TMCO5A: variants seen among roughly 807,000 people sequenced by gnomAD.
TMCO5A encodes transmembrane and coiled-coil domains 5A, also known as transmembrane and coiled-coil domain-containing protein 5A.
TMCO5A carries 34 observed loss-of-function variants against 42.3 expected under a neutral mutation model. The observed-to-expected ratio is 0.80, with a 90% CI of 0.61 to 1.07. The LOEUF is 1.07. Ranked by LOEUF, TMCO5A falls within the 50% of genes least tolerant of loss-of-function variation. The probability of loss-of-function intolerance (pLI) is 0.00; values close to 1 mark genes in which losing one functional copy is unlikely to be tolerated. For missense variants in TMCO5A, 357 were observed against 327.9 expected (o/e 1.09, Z -0.69); for synonymous variants, 131 against 115.6 (o/e 1.13, Z -0.86).
chr15:38,026,822 G>A, the TMCO5A span, among the ~76,000 whole-genome samples: 1 of 152,242 alleles, frequency 6.6e-6, no homozygotes, highest in African/African-American at 2.4e-5. Flanking sequence ...GCTGAAAGGG[G>A]CCAACATAGA....
At chr15:37,973,286 G>A in the TMCO5A span, among the ~76,000 whole-genome samples, 1 of 150,690 alleles carries the variant, frequency 6.6e-6, no homozygotes, top group Admixed American at 6.6e-5. Context: ...GCTCTTTTTT[G>A]GTTCCATATG....
chr15:37,983,570 A>T, the TMCO5A span, among the ~76,000 whole-genome samples: 2 of 152,042 alleles, frequency 1.3e-5, no homozygotes, highest in African/African-American at 4.8e-5. Context: ...CACCAGAGGG[A>T]CTCTCAAATC....
chr15:38,028,182 A>C, the TMCO5A span, among the ~76,000 whole-genome samples: 1 of 150,824 alleles, frequency 6.6e-6, no homozygotes, highest in Admixed American at 6.6e-5. Context: ...TAAATAGATG[A>C]AGTCACTTAG....
At chr15:37,960,041 A>C (rs1023560410) in intron 11 of TMCO5A, among the ~76,000 whole-genome samples, 1 of 152,036 alleles carries the variant, frequency 6.6e-6, no homozygotes, top group Non-Finnish European at 1.5e-5. Flanking sequence ...ATTGGGGTAC[A>C]GTTGGTATTT....
At chr15:38,017,316 C>T in the TMCO5A span, among the ~76,000 whole-genome samples, 13 of 152,104 alleles carry the variant, frequency 8.5e-5, no homozygotes, top group South Asian at 2.1e-4. Context: ...GGTTTCCTAA[C>T]GGAGTTCAGA....
intron 10 of TMCO5A, among the ~76,000 whole-genome samples, chr15:37,947,433 T>G (rs1259961225): frequency 6.6e-6 from 1 of 152,028 alleles, no homozygotes; most frequent in East Asian, 1.9e-4. Flanking sequence ...TGTCTTTCTG[T>G]GCCTTAGTTT....
the TMCO5A span, among the ~76,000 whole-genome samples, chr15:38,026,171 T>A: frequency 6.6e-6 from 1 of 152,106 alleles, no homozygotes. Context: ...TGGAACAGTT[T>A]TGAGGGCTTA....
At chr15:37,942,116 C>A in intron 8 of TMCO5A, 75 bp from the exon 9 acceptor site, 2 of 1,344,600 alleles carry the variant, frequency 1.5e-6, no homozygotes, top group Admixed American at 1.9e-5. Flanking sequence ...CATGTAATAA[C>A]AAGTGCTTAT....
At chr15:37,994,030 C>T in the TMCO5A span, among the ~76,000 whole-genome samples, 5 of 152,250 alleles carry the variant, frequency 3.3e-5, 1 homozygote, top group South Asian at 8.3e-4. Context: ...TCCCAGAATC[C>T]TCGACTTAAT....
At chr15:37,952,071 G>T (rs568688720), downstream of TMCO5A, among the ~76,000 whole-genome samples, 1 of 152,160 alleles carries the variant, frequency 6.6e-6, no homozygotes, top group Non-Finnish European at 1.5e-5. Flanking sequence ...ACCAGCCCTA[G>T]CTAGAGGAGA....
downstream of TMCO5A, among the ~76,000 whole-genome samples, chr15:37,952,394 T>G (rs959325627): frequency 1.2e-4 from 18 of 152,048 alleles, no homozygotes; most frequent in Admixed American, 1.2e-3. Context: ...CACAGGAAGA[T>G]AGGGCACCAG....
At chr15:38,015,870 A>G in the TMCO5A span, among the ~76,000 whole-genome samples, 2 of 152,248 alleles carry the variant, frequency 1.3e-5, no homozygotes, top group Non-Finnish European at 2.9e-5. Flanking sequence ...AACTATGAAG[A>G]AAGTAAAAGC....
At chr15:37,943,517 A>C (rs1215976004) in intron 10 of TMCO5A, 119 bp downstream of exon 10, 2 of 887,202 alleles carry the variant, frequency 2.3e-6, no homozygotes, top group Non-Finnish European at 3.5e-6. Context: ...TTCCAAGAAC[A>C]GTACCAGCTA....
At chr15:38,035,570 A>AT in the TMCO5A span, among the ~76,000 whole-genome samples, 2 of 152,222 alleles carry the variant, frequency 1.3e-5, no homozygotes, top group Non-Finnish European at 2.9e-5. Context: ...AAAAGCCAAC[A>AT]TAAGAGTGTA....
chr15:37,942,747 A>C (rs1225572975), intron 9 of TMCO5A: 1 of 154,808 alleles, frequency 6.5e-6, no homozygotes, highest in Non-Finnish European at 1.4e-5. Flanking sequence ...TGAACTACGA[A>C]CATTTAAAAT....
At chr15:37,944,111 T>G (rs1889849691) in intron 10 of TMCO5A, 2 of 152,092 alleles carry the variant, frequency 1.3e-5, no homozygotes, top group African/African-American at 4.8e-5. Context: ...TCAAGATAAA[T>G]ACTTAGAAAA....
chr15:37,979,863 GC>G, the TMCO5A span, among the ~76,000 whole-genome samples: 1 of 152,156 alleles, frequency 6.6e-6, no homozygotes, highest in Non-Finnish European at 1.5e-5. Context: ...GGGAGGCCCT[GC>G]CCACTGAGGG....
chr15:38,010,439 A>ACACAC, the TMCO5A span, among the ~76,000 whole-genome samples: 1 of 149,612 alleles, frequency 6.7e-6, no homozygotes. Context: ...ACACACACAC[A>ACACAC]CACACACACA....
the TMCO5A span, among the ~76,000 whole-genome samples, chr15:38,000,893 T>C: frequency 6.6e-6 from 1 of 152,120 alleles, no homozygotes; most frequent in Non-Finnish European, 1.5e-5. Context: ...TTATTTTGAA[T>C]TTTTAAGACA....
Sources: allele counts gnomAD v4.1 joint callset (sites outside exome capture counted in the v4.1 genomes callset), GRCh38; gene constraint gnomAD v4.1.1; transcripts MANE v1.5; gene names NCBI Gene and HGNC (gene_info 2026-07-23, HGNC 2026-07-21).